The following PAMR1 variants were observed in gnomAD, a reference collection of about 807,000 sequenced individuals.
PAMR1 encodes the protein peptidase domain containing associated with muscle regeneration 1.
A neutral mutation model predicts 81.8 loss-of-function variants in PAMR1; 88 were observed. The ratio of observed to expected loss-of-function variants is 1.08; its 90% CI spans 0.91 to 1.28. The LOEUF (loss-of-function observed/expected upper bound fraction) is 1.28, where lower values mean the gene tolerates loss of function less well. Among genes scored for constraint, PAMR1 ranks in the 50% most tolerant of loss-of-function variants. PAMR1 has a pLI of 0.00. For synonymous variants in PAMR1, 336 were observed against 345.3 expected (o/e 0.97, Z 0.30); for missense variants, 935 against 919.7 (o/e 1.02, Z -0.21).
At chr11:35,449,617 C>T (rs185731902) in intron 6 of PAMR1, among the ~76,000 whole-genome samples, 13 of 152,322 alleles carry the variant, frequency 8.5e-5, no homozygotes, top group African/African-American at 3.1e-4. Context: ...TGCCTCCCCT[C>T]CCCCTGGGAA....
intron 1 of PAMR1, among the ~76,000 whole-genome samples, chr11:35,495,968 G>A (rs1158887810): frequency 6.6e-6 from 1 of 152,128 alleles, no homozygotes; most frequent in Non-Finnish European, 1.5e-5. Context: ...CCTTACATTG[G>A]TGTTTGGGAA....
intron 1 of PAMR1, among the ~76,000 whole-genome samples, chr11:35,512,978 G>A (rs557806906): frequency 6.6e-6 from 1 of 152,308 alleles, no homozygotes; most frequent in East Asian, 1.9e-4. Context: ...GTGACAGAGT[G>A]AGACCCTGTC....
At chr11:35,483,242 A>C (rs1452565211) in intron 3 of PAMR1, among the ~76,000 whole-genome samples, 1 of 151,966 alleles carries the variant, frequency 6.6e-6, no homozygotes, top group Non-Finnish European at 1.5e-5. Flanking sequence ...ACCTAAGGAA[A>C]TCTCTCTTTG....
In PAMR1 at chr11:35,435,924, G is replaced by T. The variant is rs763793747; in HGVS notation, c.1312C>A (p.Arg438=). 2 of 1,613,722 alleles carry T rather than the reference G, an allele frequency of 1.2e-6. No homozygotes were observed. The highest frequency in any genetic ancestry group is 1.3e-5 in the African/African-American group (1 of 75,036). The stretch of plus-strand genomic sequence containing the variant: ...TCACTAGGGATGCAGGATGGTGCCC[G>T]CCCACTCCACTTCCCAGTCCTCAGA... The part of the protein sequence containing the change: ...TCLRTGKWSG[R]APSCIPICGK... Residue 438 remains arginine, a synonymous_variant, in exon 9 of 11, where the codon CGG becomes AGG. Transcript: ENST00000619888.
chr11:35,528,085 A>G (rs609664), upstream of PAMR1, among the ~76,000 whole-genome samples: 124,172 of 151,798 alleles, frequency 0.82, 51,049 homozygotes, highest in African/African-American at 0.88. Context: ...CCCCTGACAG[A>G]ATGGGGCTCT....
At chr11:35,489,504 C>T (rs1172837208) in intron 3 of PAMR1, among the ~76,000 whole-genome samples, 6 of 152,178 alleles carry the variant, frequency 3.9e-5, no homozygotes, top group South Asian at 2.1e-4. Flanking sequence ...TCCACTCCAG[C>T]GGAGTTATGC....
chr11:35,450,263 G>C (rs548765665), intron 6 of PAMR1, among the ~76,000 whole-genome samples: 42 of 150,870 alleles, frequency 2.8e-4, no homozygotes, highest in African/African-American at 1.0e-3. Flanking sequence ...TCACCGGTTT[G>C]TCCACTCTAA....
intron 1 of PAMR1, among the ~76,000 whole-genome samples, chr11:35,506,383 C>G (rs1312125200): frequency 6.8e-6 from 1 of 147,322 alleles, no homozygotes; most frequent in African/African-American, 2.5e-5. Flanking sequence ...GGTTTTATAC[C>G]TTCAAAAAAA....
intron 1 of PAMR1, among the ~76,000 whole-genome samples, chr11:35,498,906 A>G (rs1428142599): frequency 6.6e-6 from 1 of 151,888 alleles, no homozygotes; most frequent in Non-Finnish European, 1.5e-5. Flanking sequence ...TCACTATCCT[A>G]TGTGTTTCCT....
intron 1 of PAMR1, among the ~76,000 whole-genome samples, chr11:35,507,680 T>C (rs1051283898): frequency 6.6e-6 from 1 of 152,216 alleles, no homozygotes; most frequent in Non-Finnish European, 1.5e-5. Context: ...TTGTTTTTTG[T>C]GCACATCTTT....
chr11:35,457,923 G>A (rs916003402), intron 6 of PAMR1, among the ~76,000 whole-genome samples: 12 of 152,126 alleles, frequency 7.9e-5, no homozygotes, highest in Admixed American at 3.9e-4. Flanking sequence ...GAAGGATGAT[G>A]AGATGAACAT....
chr11:35,517,512 A>G (rs1344587532), intron 1 of PAMR1, among the ~76,000 whole-genome samples: 6 of 152,120 alleles, frequency 3.9e-5, no homozygotes, highest in Non-Finnish European at 7.4e-5. Context: ...ATTCCACTGG[A>G]TGGTATAAGG....
At chr11:35,509,328 T>C (rs1851032375) in intron 1 of PAMR1, among the ~76,000 whole-genome samples, 1 of 152,238 alleles carries the variant, frequency 6.6e-6, no homozygotes, top group Non-Finnish European at 1.5e-5. Flanking sequence ...GAGCAACATC[T>C]TGTTGCTTGC....
chr11:35,504,069 G>T (rs1322345746), intron 1 of PAMR1, among the ~76,000 whole-genome samples: 1 of 151,976 alleles, frequency 6.6e-6, no homozygotes, highest in Non-Finnish European at 1.5e-5. Flanking sequence ...TTTTTTCAGG[G>T]TTTTTATCAT....
At chr11:35,451,949 T>C in intron 6 of PAMR1, 1 of 688,328 alleles carries the variant, frequency 1.5e-6, no homozygotes, top group Non-Finnish European at 2.6e-6. Context: ...CTGTGAGAAA[T>C]AAATGTTTGT....
chr11:35,472,249 A>G (rs1338828390), intron 4 of PAMR1, among the ~76,000 whole-genome samples: 4 of 152,218 alleles, frequency 2.6e-5, no homozygotes, highest in African/African-American at 9.6e-5. Flanking sequence ...CTTTGTCTTC[A>G]GAGTAAGGGA....
At chr11:35,489,464 C>G (rs1319027901) in intron 3 of PAMR1, among the ~76,000 whole-genome samples, 1 of 152,208 alleles carries the variant, frequency 6.6e-6, no homozygotes, top group Admixed American at 6.5e-5. Context: ...CAATCGCACT[C>G]CTAATGGCTA....
At position 35,435,836 on chromosome 11, in the gene PAMR1, A is replaced by G. The variant is rs770854999; in HGVS notation, c.1333+67T>C. The G allele has an allele frequency of 3.4e-6, 4 of 1,186,900 alleles. No individual in the cohort carries two copies. The Admixed American group carries it at 6.8e-5, about 20-fold the overall frequency. 73.5% of individuals were successfully genotyped at this position (1,186,900 alleles called of 1,614,324 possible). On this transcript the variant is annotated intron_variant, in intron 9 of 10. Transcript: ENST00000619888. The stretch of plus-strand genomic sequence containing the variant: ...AGATGCTCTCCCAAAAAGTAGGGTT[A>G]ATGGTTTTTCTCAGGCAGTCATGAA...
intron 3 of PAMR1, among the ~76,000 whole-genome samples, chr11:35,483,570 T>G (rs1465630757): frequency 6.6e-6 from 1 of 152,166 alleles, no homozygotes. Flanking sequence ...CTTCCTGCAC[T>G]TGCCCTGCCC....
Sources: gnomAD v4.1 joint callset for allele counts (sites outside exome capture counted in the v4.1 genomes callset) on GRCh38, gnomAD v4.1.1 for gene constraint, MANE v1.5 for transcripts, NCBI Gene and HGNC (gene_info 2026-07-23, HGNC 2026-07-21) for gene names.